ANKS1B: variants seen among roughly 807,000 people sequenced by gnomAD.
ANKS1B encodes the protein ankyrin repeat and sterile alpha motif domain-containing protein 1B.
ANKS1B carries 36 observed loss-of-function variants against 148.3 expected under a neutral mutation model. The observed-to-expected ratio is 0.24, with a 90% CI of 0.19 to 0.32. The LOEUF is 0.32. ANKS1B is among the 10% of genes least tolerant of loss of function. The pLI is 1.00. For missense variants in ANKS1B, 1,157 were observed against 1,542.6 expected (o/e 0.75, Z 4.19); for synonymous variants, 542 against 560.8 (o/e 0.97, Z 0.47).
chr12:98,944,065 C>T (rs915202920), intron 17 of ANKS1B, among the ~76,000 whole-genome samples: 18 of 152,138 alleles, frequency 1.2e-4, no homozygotes, highest in Admixed American at 4.6e-4. Flanking sequence ...TCTGGGAGGC[C>T]GAGGCGGTTG....
At chr12:99,033,037 G>T (rs1430348877) in intron 17 of ANKS1B, among the ~76,000 whole-genome samples, 2 of 152,128 alleles carry the variant, frequency 1.3e-5, no homozygotes, top group East Asian at 3.9e-4. Flanking sequence ...CTTTGACATA[G>T]GCTGGATTAT....
intron 1 of ANKS1B, among the ~76,000 whole-genome samples, chr12:99,857,297 AAT>A (rs2089300461): frequency 6.6e-6 from 1 of 151,820 alleles, no homozygotes; most frequent in African/African-American, 2.4e-5. Flanking sequence ...CTGCAAAAAA[AAT>A]AAAATAAAAT....
At position 99,708,813 on chromosome 12, in the gene ANKS1B, A is replaced by G. The variant is rs141414389; in HGVS notation, c.1129-53603T>C. On this transcript the variant is annotated intron_variant, in intron 8 of 26. Coordinates refer to ENST00000683438, the MANE Select transcript of ANKS1B (RefSeq NM_001352186.2). ...CAAAGGCTCTTTTGCTATAAAAGGT[A>G]ACATTCACAGTTTCCAGGAATTCCA... 7.3e-3 allele frequency among the ~76,000 whole-genome samples: 1,111 copies of G among 152,274 alleles called. 5 individuals are homozygous for G. Among genetic ancestry groups the G allele is most frequent in the Non-Finnish European group, 0.011 (766 of 68,008 alleles).
chr12:99,666,781 T>G (rs1395793436), intron 8 of ANKS1B, among the ~76,000 whole-genome samples: 1 of 152,098 alleles, frequency 6.6e-6, no homozygotes, highest in Non-Finnish European at 1.5e-5. Flanking sequence ...TGGCATATTA[T>G]TTTGCTATAT....
At chr12:99,976,344 GA>G (rs1025728340) in intron 1 of ANKS1B, among the ~76,000 whole-genome samples, 8 of 152,260 alleles carry the variant, frequency 5.3e-5, no homozygotes, top group African/African-American at 1.9e-4. Context: ...AAAATCTGTT[GA>G]AAATTTTTTT....
At chr12:99,190,330 G>GA (rs1440329714) in intron 14 of ANKS1B, among the ~76,000 whole-genome samples, 1 of 152,152 alleles carries the variant, frequency 6.6e-6, no homozygotes, top group Non-Finnish European at 1.5e-5. Context: ...CACAGAATTA[G>GA]AAAAAACAGT....
intron 12 of ANKS1B, among the ~76,000 whole-genome samples, chr12:99,296,942 T>C (rs2080954035): frequency 6.6e-6 from 1 of 152,174 alleles, no homozygotes; most frequent in Non-Finnish European, 1.5e-5. Flanking sequence ...GTAGTTCTCT[T>C]GAAGATTATG....
chr12:98,830,771 C>T (rs2099302053), intron 18 of ANKS1B, among the ~76,000 whole-genome samples: 1 of 152,134 alleles, frequency 6.6e-6, no homozygotes, highest in Admixed American at 6.5e-5. Flanking sequence ...TAGAAAAGTT[C>T]TTGTAGGACT....
At position 99,485,180 on chromosome 12, in the gene ANKS1B, C is replaced by G. The variant is rs148410234; in HGVS notation, c.1438+19296G>C. Among the ~76,000 whole-genome samples the G allele has an allele frequency of 1.4e-4, 21 of 151,988 alleles. No homozygotes were observed. In the East Asian group the frequency reaches 4.1e-3, roughly 29 times the overall value. ...GGCTTTTCTTCAACGTTTAGAACAC[C>G]TTTTAGCACTTCTTGTAGTGCTGGT... On this transcript the variant is annotated intron_variant, in intron 10 of 26. Coordinates refer to ENST00000683438, the MANE Select transcript of ANKS1B (RefSeq NM_001352186.2).
At chr12:98,826,327 A>C (rs531573536) in intron 19 of ANKS1B, among the ~76,000 whole-genome samples, 23 of 152,362 alleles carry the variant, frequency 1.5e-4, no homozygotes, top group African/African-American at 5.1e-4. Context: ...AAAATCAATT[A>C]AACCCCATTC....
intron 9 of ANKS1B, chr12:99,648,641 C>A: frequency 1.9e-6 from 3 of 1,614,208 alleles, no homozygotes. Flanking sequence ...TGTCCTCCAT[C>A]GGATGCAAGT....
chr12:99,443,630 C>A (rs753173438), intron 11 of ANKS1B, 43 bp downstream of exon 11: 1 of 1,603,030 alleles, frequency 6.2e-7, no homozygotes, highest in South Asian at 1.1e-5. Context: ...TGATTCAAAT[C>A]AAAACACATT....
intron 17 of ANKS1B, among the ~76,000 whole-genome samples, chr12:99,018,457 T>C (rs1329692530): frequency 6.6e-6 from 1 of 152,192 alleles, no homozygotes; most frequent in Non-Finnish European, 1.5e-5. Flanking sequence ...CTCCCTAAAG[T>C]CTATGTTTTG....
intron 12 of ANKS1B, among the ~76,000 whole-genome samples, chr12:99,323,060 T>G (rs1031253219): frequency 2.0e-5 from 3 of 152,180 alleles, no homozygotes; most frequent in African/African-American, 7.2e-5. Context: ...ATCAGTAGTG[T>G]GAGAATGAAC....
chr12:99,760,735 C>T (rs191576987), intron 8 of ANKS1B, among the ~76,000 whole-genome samples: 6 of 150,738 alleles, frequency 4.0e-5, no homozygotes, highest in African/African-American at 1.2e-4. Context: ...AAAATTCATA[C>T]AAAAAAATCT....
chr12:98,765,695 A>G (rs1355073285), intron 25 of ANKS1B, among the ~76,000 whole-genome samples: 1 of 151,530 alleles, frequency 6.6e-6, no homozygotes, highest in Non-Finnish European at 1.5e-5. Flanking sequence ...CCTTAGGTTC[A>G]AGCAGTTCTC....
chr12:98,757,220 T>A (rs2098271091), intron 25 of ANKS1B, among the ~76,000 whole-genome samples: 1 of 152,096 alleles, frequency 6.6e-6, no homozygotes, highest in South Asian at 2.1e-4. Flanking sequence ...CCAGCAGACA[T>A]CGCTTGGAGA....
chr12:99,077,052 A>G (rs138018100), intron 16 of ANKS1B, among the ~76,000 whole-genome samples: 2 of 152,290 alleles, frequency 1.3e-5, no homozygotes, highest in Admixed American at 1.3e-4. Context: ...AAAAAACAAA[A>G]ATACAAAAAG....
At chr12:98,827,680 T>C (rs1815055850) in intron 19 of ANKS1B, among the ~76,000 whole-genome samples, 1 of 152,184 alleles carries the variant, frequency 6.6e-6, no homozygotes. Flanking sequence ...CTGCAGTATA[T>C]GGAGAAATTT....
Sources: gnomAD v4.1 joint callset for allele counts (sites outside exome capture counted in the v4.1 genomes callset) on GRCh38, gnomAD v4.1.1 for gene constraint, MANE v1.5 for transcripts, NCBI Gene and HGNC (gene_info 2026-07-23, HGNC 2026-07-21) for gene names.